The following PDE7B variants were observed in gnomAD, a reference collection of about 807,000 sequenced individuals.
PDE7B encodes phosphodiesterase 7B, also known as 3',5'-cyclic-AMP phosphodiesterase 7B.
Under a neutral mutation model 56.2 loss-of-function variants are expected in PDE7B, and 29 were observed. The observed-to-expected ratio is 0.52, with a 90% CI of 0.38 to 0.70. The LOEUF is 0.70. Among genes scored for constraint, PDE7B ranks in the 30% least tolerant of loss-of-function variants. PDE7B has a pLI of 0.00. For synonymous variants in PDE7B, 197 were observed against 196.9 expected (o/e 1.00, Z 0.00); for missense variants, 490 against 565.0 (o/e 0.87, Z 1.35).
Position 136,190,902 on chromosome 6 carries a change from A to G in PDE7B, c.1127-712A>G, listed in dbSNP as rs191780731. Among the ~76,000 whole-genome samples the G allele has an allele frequency of 3.9e-5, 6 of 152,030 alleles. No homozygotes were observed. The East Asian group carries it at 1.2e-3, about 29-fold the overall frequency. On this transcript the variant is annotated intron_variant, in intron 12 of 12. Transcript: ENST00000308191. ...GATCATCTTGAAAAAGATATCCCAC[A>G]GGGTAAGGGTATGAATTATGCAGCT... is the stretch of plus-strand genomic sequence containing the variant.
chr6:136,004,749 A>T (rs997264723), intron 2 of PDE7B, among the ~76,000 whole-genome samples: 3 of 152,228 alleles, frequency 2.0e-5, no homozygotes, highest in Admixed American at 1.3e-4. Context: ...GGGTAGGAAG[A>T]ATCAATATCG....
chr6:136,108,066 G>T (rs1425412665), intron 2 of PDE7B, among the ~76,000 whole-genome samples: 2 of 144,842 alleles, frequency 1.4e-5, no homozygotes, highest in Non-Finnish European at 3.0e-5. Context: ...GTCAGAGGTT[G>T]CAGTGAGCCA....
chr6:135,994,143 TGTGTGTG>T (rs1392727111), intron 2 of PDE7B, among the ~76,000 whole-genome samples: 1 of 151,422 alleles, frequency 6.6e-6, no homozygotes, highest in Admixed American at 6.6e-5. Flanking sequence ...TGTGTGTGTG[TGTGTGTG>T]TGTGTGTGTG....
intron 2 of PDE7B, among the ~76,000 whole-genome samples, chr6:136,063,013 A>G (rs571162424): frequency 5.9e-5 from 9 of 152,336 alleles, no homozygotes; most frequent in African/African-American, 1.7e-4. Context: ...AATCTTCAAA[A>G]CTGAGACAGA....
rs781300434 is a variant in PDE7B, at chr6:136,038,214, A to ACAG, written c.83-70505_83-70503dup. 2.6e-4 allele frequency: 334 copies of ACAG among 1,299,238 alleles called. 1 individual carries two copies. The highest frequency in any genetic ancestry group is 2.4e-3 in the African/African-American group (157 of 65,858). 80.5% of individuals were successfully genotyped at this position (1,299,238 alleles called of 1,614,324 possible). On this transcript the variant is annotated intron_variant, in intron 2 of 12. Transcript: ENST00000308191. ...AGCAGCAGCAGCAGCAGAAGCAGAA[A>ACAG]CAGCAGCAGCAGCAACAGCAGCAGC...
chr6:135,922,122 A>G (rs1774094150), intron 1 of PDE7B, among the ~76,000 whole-genome samples: 1 of 152,164 alleles, frequency 6.6e-6, no homozygotes. Flanking sequence ...AACATTGTTT[A>G]TTCTAACTCC....
intron 1 of PDE7B, among the ~76,000 whole-genome samples, chr6:135,922,464 A>G (rs963149893): frequency 1.3e-5 from 2 of 152,200 alleles, no homozygotes; most frequent in Non-Finnish European, 2.9e-5. Flanking sequence ...TTCCAAAACA[A>G]AAACCAGTCT....
intron 3 of PDE7B, among the ~76,000 whole-genome samples, chr6:136,121,648 T>C (rs1041723769): frequency 2.6e-5 from 4 of 152,202 alleles, no homozygotes; most frequent in Non-Finnish European, 4.4e-5. Context: ...CAGAACTCAC[T>C]AGAACACCAG....
intron 8 of PDE7B, among the ~76,000 whole-genome samples, chr6:136,161,159 TC>T (rs1473014166): frequency 6.6e-6 from 1 of 152,204 alleles, no homozygotes; most frequent in Non-Finnish European, 1.5e-5. Context: ...TACTTGCTCA[TC>T]CTTTTGATCT....
At position 136,177,799 on chromosome 6, in the gene PDE7B, G is replaced by C. The variant is rs145389194; in HGVS notation, c.804-1198G>C. The stretch of plus-strand genomic sequence containing the variant: ...ACCCCAGGGAGACTTCTGCACATGC[G>C]TAACTAGAGGTATATAAGAATATTT... On this transcript the variant is annotated intron_variant, in intron 9 of 12. Transcript: ENST00000308191. 2.0e-5 allele frequency among the ~76,000 whole-genome samples: 3 copies of C among 152,186 alleles called. No individual in the cohort carries two copies. In the East Asian group the frequency reaches 5.8e-4, roughly 29 times the overall value.
intron 3 of PDE7B, among the ~76,000 whole-genome samples, chr6:136,143,391 C>T (rs1352720881): frequency 6.6e-6 from 1 of 151,618 alleles, no homozygotes; most frequent in African/African-American, 2.4e-5. Flanking sequence ...GCAAGACAGG[C>T]TAGAGTCAGG....
intron 1 of PDE7B, among the ~76,000 whole-genome samples, chr6:135,915,837 G>A (rs1332340376): frequency 6.6e-6 from 1 of 152,148 alleles, no homozygotes. Context: ...CCTTTTCTCA[G>A]CCTGATATAG....
Position 136,195,451 on chromosome 6 carries a change from G to GT in PDE7B, c.*3614dup, listed in dbSNP as rs1779298953. The GT allele has an allele frequency of 2.9e-5, 3 of 102,500 alleles. No individual in the cohort carries two copies. Among genetic ancestry groups the GT allele is most frequent in the Non-Finnish European group, 3.4e-5 (2 of 58,410 alleles). 6.3% of individuals were successfully genotyped at this position (102,500 alleles called of 1,614,324 possible). ...GTGTCATTTTGTATACACATGTGAG[G>GT]TTTGAAAAAAAAAAAAAAAAAAAAA... is the stretch of plus-strand genomic sequence containing the variant. On this transcript the variant is annotated 3_prime_UTR_variant, in exon 13 of 13. Coordinates refer to ENST00000308191, the MANE Select transcript of PDE7B (RefSeq NM_018945.4).
intron 1 of PDE7B, among the ~76,000 whole-genome samples, chr6:135,877,747 CAA>C (rs1205533481): frequency 1.3e-5 from 1 of 79,092 alleles, no homozygotes; most frequent in Admixed American, 1.3e-4. Flanking sequence ...GAAAACAAAA[CAA>C]AACAAAAAAA....
chr6:136,189,981 G>A (rs1034010473), intron 12 of PDE7B, among the ~76,000 whole-genome samples: 1 of 152,150 alleles, frequency 6.6e-6, no homozygotes, highest in Non-Finnish European at 1.5e-5. Context: ...TTAAGAAAAT[G>A]AGGCTTTTCT....
chr6:136,036,357 T>C (rs2128209485), intron 2 of PDE7B, among the ~76,000 whole-genome samples: 1 of 152,356 alleles, frequency 6.6e-6, no homozygotes, highest in South Asian at 2.1e-4. Flanking sequence ...AATATTTTCA[T>C]AACAAAATTC....
chr6:135,973,697 G>C (rs531921499), intron 2 of PDE7B, among the ~76,000 whole-genome samples: 1 of 152,248 alleles, frequency 6.6e-6, no homozygotes, highest in South Asian at 2.1e-4. Flanking sequence ...TTGTGGTATT[G>C]ATTTGTGTTT....
intron 12 of PDE7B, among the ~76,000 whole-genome samples, chr6:136,189,010 A>G (rs1358685227): frequency 6.6e-6 from 1 of 152,170 alleles, no homozygotes; most frequent in African/African-American, 2.4e-5. Context: ...TGGATGCTAC[A>G]GGCTCTAGCC....
chr6:135,972,833 G>C (rs902804553), intron 2 of PDE7B, among the ~76,000 whole-genome samples: 2 of 152,130 alleles, frequency 1.3e-5, no homozygotes, highest in African/African-American at 2.4e-5. Flanking sequence ...AGCTAAGGTG[G>C]GTTGGGAGTG....
Sources: gnomAD v4.1 joint callset for allele counts (sites outside exome capture counted in the v4.1 genomes callset) on GRCh38, gnomAD v4.1.1 for gene constraint, MANE v1.5 for transcripts, NCBI Gene and HGNC (gene_info 2026-07-23, HGNC 2026-07-21) for gene names.